The following LAMA1 variants were observed in gnomAD, a reference collection of about 807,000 sequenced individuals.
LAMA1 encodes the protein laminin subunit alpha 1, also known as laminin subunit alpha-1.
Under a neutral mutation model 348.7 loss-of-function variants are expected in LAMA1, and 219 were observed. The observed-to-expected ratio is 0.63, with a 90% CI of 0.56 to 0.70. The LOEUF (loss-of-function observed/expected upper bound fraction) is 0.70, where lower values mean the gene tolerates loss of function less well. Ranked by LOEUF, LAMA1 falls within the 30% of genes least tolerant of loss-of-function variation. The probability of loss-of-function intolerance (pLI) is 0.00; values close to 1 mark genes in which losing one functional copy is unlikely to be tolerated. For synonymous variants in LAMA1, 1,487 were observed against 1,491.0 expected (o/e 1.00, Z 0.06); for missense variants, 3,744 against 3,888.0 (o/e 0.96, Z 0.99).
At chr18:7,056,129 G>A (rs1368054462) in intron 3 of LAMA1, among the ~76,000 whole-genome samples, 2 of 151,764 alleles carry the variant, frequency 1.3e-5, no homozygotes, top group African/African-American at 4.8e-5. Context: ...TTGACAAGGA[G>A]GACAACGGAG....
At chr18:7,098,085 A>G (rs1162776555) in intron 1 of LAMA1, among the ~76,000 whole-genome samples, 32 of 150,220 alleles carry the variant, frequency 2.1e-4, no homozygotes, top group African/African-American at 6.6e-4. Context: ...CCCTAACCGC[A>G]AGTAATCCGC....
chr18:7,003,349 C>A (rs563511073), intron 29 of LAMA1, among the ~76,000 whole-genome samples: 1 of 151,722 alleles, frequency 6.6e-6, no homozygotes, highest in South Asian at 2.1e-4. Flanking sequence ...CTCCCGGGTT[C>A]ACGCCATTCT....
intron 16 of LAMA1, among the ~76,000 whole-genome samples, chr18:7,027,511 A>G (rs183754572): frequency 1.3e-5 from 2 of 151,674 alleles, no homozygotes; most frequent in Admixed American, 1.3e-4. Flanking sequence ...TTTTATGGGG[A>G]ATGAAAATAA....
chr18:7,099,787 G>A (rs959082930), intron 1 of LAMA1, among the ~76,000 whole-genome samples: 4 of 151,800 alleles, frequency 2.6e-5, no homozygotes, highest in South Asian at 2.1e-4. Flanking sequence ...GGCCAGGCAC[G>A]GTGGTTCACA....
At chr18:6,966,057 A>T in intron 49 of LAMA1, 90 bp downstream of exon 49, 2 of 1,405,032 alleles carry the variant, frequency 1.4e-6, no homozygotes, top group Non-Finnish European at 2.0e-6. Context: ...GTACATATTT[A>T]ATTAGTAAAT....
chr18:7,010,086 T>A (rs1301585985), intron 26 of LAMA1, 114 bp downstream of exon 26: 3 of 1,202,660 alleles, frequency 2.5e-6, no homozygotes, highest in Non-Finnish European at 3.6e-6. Flanking sequence ...GGATTACAGG[T>A]GTGAGCCACC....
At chr18:7,046,538 C>T (rs1029923496) in intron 5 of LAMA1, among the ~76,000 whole-genome samples, 171 bp from the exon 6 acceptor site, 46 of 152,124 alleles carry the variant, frequency 3.0e-4, no homozygotes, top group African/African-American at 1.0e-3. Flanking sequence ...ATCCTGTGCT[C>T]AATTAAAATA....
At chr18:6,981,823 T>C (rs1340004244) in intron 41 of LAMA1, among the ~76,000 whole-genome samples, 1 of 152,186 alleles carries the variant, frequency 6.6e-6, no homozygotes, top group African/African-American at 2.4e-5. Context: ...ATCTTGGTAT[T>C]TTTGATCTAT....
intron 3 of LAMA1, among the ~76,000 whole-genome samples, chr18:7,070,853 A>C (rs892259482): frequency 4.6e-5 from 7 of 151,342 alleles, no homozygotes; most frequent in African/African-American, 1.2e-4. Context: ...CGGCTTTAAA[A>C]GTTTTTTAAG....
intron 42 of LAMA1, among the ~76,000 whole-genome samples, chr18:6,978,592 A>G (rs1435567918): frequency 6.6e-6 from 1 of 152,180 alleles, no homozygotes; most frequent in Admixed American, 6.5e-5. Context: ...TTAAAGCTGC[A>G]TATCATATGC....
At chr18:7,085,883 T>C (rs1410540997) in intron 1 of LAMA1, among the ~76,000 whole-genome samples, 1 of 152,182 alleles carries the variant, frequency 6.6e-6, no homozygotes, top group Non-Finnish European at 1.5e-5. Context: ...ACAAATAGCA[T>C]GATTTAGTGA....
chr18:7,058,019 G>C (rs1343559169), intron 3 of LAMA1, among the ~76,000 whole-genome samples: 1 of 151,226 alleles, frequency 6.6e-6, no homozygotes, highest in African/African-American at 2.4e-5. Context: ...GGCTAGGCTG[G>C]TCTTGAACTC....
intron 51 of LAMA1, among the ~76,000 whole-genome samples, chr18:6,962,412 C>T (rs114744512): frequency 7.6e-6 from 1 of 131,132 alleles, no homozygotes; most frequent in East Asian, 2.2e-4. Flanking sequence ...ATCCTGCCCC[C>T]CAAAACAAGA....
At position 6,949,289 on chromosome 18, in the gene LAMA1, T is replaced by C. The variant is rs200039323; in HGVS notation, c.8398-30A>G. Reference sequence around the variant, plus strand: ...AGCAAAGTGAAAACATGCATAATTTTTGAGGAATCTGAAAAAACTTTTAAC... The same window carrying C: ...AGCAAAGTGAAAACATGCATAATTTCTGAGGAATCTGAAAAAACTTTTAAC... On this transcript the variant is annotated intron_variant, in intron 58 of 62. Transcript: ENST00000389658. 6.4e-5 allele frequency: 104 copies of C among 1,612,746 alleles called. No homozygotes were observed. The Middle Eastern group carries it at 9.9e-4, about 15-fold the overall frequency.
Position 7,008,560 on chromosome 18 carries a change from G to T in LAMA1, c.4050C>A (p.His1350Gln). The T allele has an allele frequency of 6.2e-7, 1 of 1,614,032 alleles. No individual in the cohort carries two copies. Among genetic ancestry groups the T allele is most frequent in the Non-Finnish European group, 8.5e-7 (1 of 1,179,942 alleles). Residue 1350 changes from histidine to glutamine, a missense_variant, in exon 28 of 63, where the codon CAC becomes CAA. Transcript: ENST00000389658. ...MEVGRKAEKL[H>Q]PEEEVASLLE... The stretch of plus-strand genomic sequence containing the variant: ...AAAGAGATGCAACCTCTTCTTCTGG[G>T]TGCAGCTTTTCAGCCTTTCTGCCAA...
chr18:7,078,398 C>T (rs934155702), intron 3 of LAMA1, among the ~76,000 whole-genome samples: 7 of 151,682 alleles, frequency 4.6e-5, no homozygotes, highest in African/African-American at 1.4e-4. Context: ...GATCTCCTGA[C>T]CTCGTGATCC....
At chr18:6,995,231 C>T (rs2057775857) in intron 34 of LAMA1, 126 bp downstream of exon 34, 2 of 750,786 alleles carry the variant, frequency 2.7e-6, no homozygotes, top group Non-Finnish European at 4.9e-6. Context: ...ACCTGGAGCA[C>T]AGCTCGTGGG....
chr18:7,011,904 T>C (rs2057862094), intron 24 of LAMA1, 91 bp downstream of exon 24: 2 of 1,477,090 alleles, frequency 1.4e-6, no homozygotes, highest in Non-Finnish European at 1.8e-6. Context: ...GAGCAAAATT[T>C]AATGTGAACA....
intron 1 of LAMA1, among the ~76,000 whole-genome samples, chr18:7,081,120 C>T (rs1445524119): frequency 2.0e-5 from 3 of 151,932 alleles, no homozygotes; most frequent in Non-Finnish European, 2.9e-5. Flanking sequence ...TGTGCCACTG[C>T]ACTCCAGCCT....
Sources: allele counts gnomAD v4.1 joint callset (sites outside exome capture counted in the v4.1 genomes callset), GRCh38; gene constraint gnomAD v4.1.1; transcripts MANE v1.5; gene names NCBI Gene and HGNC (gene_info 2026-07-23, HGNC 2026-07-21).